Variants in CACNA1D observed in about 807,000 individuals in gnomAD.
The protein encoded by CACNA1D is calcium voltage-gated channel subunit alpha1 D.
CACNA1D carries 55 observed loss-of-function variants against 257.1 expected under a neutral mutation model. The observed-to-expected ratio is 0.21, with a 90% CI of 0.17 to 0.27. The LOEUF is 0.27. Among genes scored for constraint, CACNA1D ranks in the 10% least tolerant of loss-of-function variants. The pLI, the probability that CACNA1D is intolerant of heterozygous loss-of-function variation, is 1.00. For synonymous variants in CACNA1D, 980 were observed against 1,014.9 expected, an observed-to-expected ratio of 0.97 and a Z score of 0.65; for missense variants, 1,876 against 2,784.0, an observed-to-expected ratio of 0.67 and a Z score of 7.34.
intron 3 of CACNA1D, among the ~76,000 whole-genome samples, chr3:53,575,686 G>A (rs2093025233): frequency 6.6e-6 from 1 of 151,624 alleles, no homozygotes; most frequent in Non-Finnish European, 1.5e-5. Flanking sequence ...TTGTTACTTT[G>A]TGAGAGTAAA....
intron 46 of CACNA1D, 173 bp downstream of exon 46, chr3:53,808,943 C>A: frequency 1.4e-6 from 1 of 690,790 alleles, no homozygotes; most frequent in Non-Finnish European, 2.4e-6. Flanking sequence ...CCATGAGTCC[C>A]ATGCTGCCCA....
chr3:53,747,738 T>C (rs1424792836), intron 26 of CACNA1D, among the ~76,000 whole-genome samples: 2 of 152,218 alleles, frequency 1.3e-5, no homozygotes, highest in African/African-American at 2.4e-5. Flanking sequence ...TCAGGAAAGC[T>C]GCCATCCGCT....
chr3:53,715,432 A>G (rs1385065034), intron 9 of CACNA1D, among the ~76,000 whole-genome samples: 1 of 152,068 alleles, frequency 6.6e-6, no homozygotes, highest in African/African-American at 2.4e-5. Context: ...GCTGATTCAG[A>G]GGTATGGAAG....
intron 45 of CACNA1D, among the ~76,000 whole-genome samples, chr3:53,806,874 T>TG (rs1204140275): frequency 1.3e-5 from 2 of 151,894 alleles, no homozygotes; most frequent in African/African-American, 4.8e-5. Context: ...GTGATGGCCC[T>TG]CGCCCTTGTG....
intron 3 of CACNA1D, among the ~76,000 whole-genome samples, chr3:53,584,204 TGGATTGTCTAATATGTGCTGA>T (rs1352617696): frequency 1.3e-5 from 2 of 152,206 alleles, no homozygotes; most frequent in African/African-American, 2.4e-5. Context: ...CAGTAGCTGA[TGGATTGTCTAATATGTGCTGA>T]GGAGAGAGGG....
chr3:53,523,090 G>C (rs1355069735), intron 3 of CACNA1D, among the ~76,000 whole-genome samples: 1 of 152,022 alleles, frequency 6.6e-6, no homozygotes, highest in Non-Finnish European at 1.5e-5. Context: ...AGTTCTTTTG[G>C]CTGCATTGGT....
intron 8 of CACNA1D, among the ~76,000 whole-genome samples, chr3:53,700,764 C>T (rs1000971149): frequency 6.6e-6 from 1 of 152,072 alleles, no homozygotes; most frequent in Non-Finnish European, 1.5e-5. Context: ...GACTGACAGC[C>T]CTAACAGGAC....
chr3:53,577,891 T>G lies in CACNA1D; in HGVS notation c.484-72888T>G, dbSNP rs549901277. ...TTCAAACATTAAGTTGATTCTACCT[T>G]TAATACTTTTATAAACTTTTAATTC... On this transcript the variant is annotated intron_variant, in intron 3 of 47. Coordinates refer to ENST00000350061, the MANE Select transcript of CACNA1D (RefSeq NM_001128840.3). Among the ~76,000 whole-genome samples, 7 of 152,298 alleles carry G rather than the reference T, an allele frequency of 4.6e-5. No homozygotes were observed. In the South Asian group the frequency reaches 1.5e-3, roughly 32 times the overall value.
chr3:53,633,125 T>C (rs957841407), intron 3 of CACNA1D, among the ~76,000 whole-genome samples: 2 of 152,248 alleles, frequency 1.3e-5, no homozygotes, highest in Non-Finnish European at 2.9e-5. Flanking sequence ...TAATAACTAT[T>C]GTGTGCATAC....
intron 3 of CACNA1D, among the ~76,000 whole-genome samples, chr3:53,608,351 G>A (rs2093539846): frequency 6.6e-6 from 1 of 152,056 alleles, no homozygotes; most frequent in South Asian, 2.1e-4. Context: ...CCATAACCTT[G>A]TAAACTCATT....
At position 53,787,203 on chromosome 3, in the gene CACNA1D, G is replaced by A. The variant is rs867449128; in HGVS notation, c.4923+251G>A. Among the ~76,000 whole-genome samples, 4 of 152,244 alleles carry A rather than the reference G, an allele frequency of 2.6e-5. No homozygotes were observed. The South Asian group carries it at 8.3e-4, about 32-fold the overall frequency. ...CGCGGCAGGGCTGCCAGGACGGAGAGGAGCGAGCGCTACCCTCGCACCCCA... is the reference window on the plus strand; with the variant it reads ...CGCGGCAGGGCTGCCAGGACGGAGAAGAGCGAGCGCTACCCTCGCACCCCA... On this transcript the variant is annotated intron_variant, in intron 40 of 47. Transcript: ENST00000350061.
In CACNA1D at chr3:53,800,587, C is replaced by A. The variant is rs1000894618; in HGVS notation, c.5040+222C>A. The A allele has an allele frequency of 1.7e-6, 1 of 605,016 alleles. No homozygotes were observed. Among genetic ancestry groups the A allele is most frequent in the African/African-American group, 1.8e-5 (1 of 54,820 alleles). 37.5% of individuals were successfully genotyped at this position (605,016 alleles called of 1,614,324 possible). On this transcript the variant is annotated intron_variant, in intron 41 of 47. Transcript: ENST00000350061. This position sits in a 1 kb window ranked among gnomAD's most constrained non-coding sequence, Gnocchi z 4.3. ...CTCTTTCCCTGAGCTTACCCAGCTT[C>A]CCCTCACTGCCTGCTTCTGAGGAGC... is the stretch of plus-strand genomic sequence containing the variant.
chr3:53,650,664 T>G, intron 3 of CACNA1D, 115 bp from the exon 4 acceptor site: 2 of 1,089,356 alleles, frequency 1.8e-6, no homozygotes, highest in Non-Finnish European at 2.8e-6. Flanking sequence ...AAACTTTGTT[T>G]GGAGGGAAAT....
intron 3 of CACNA1D, among the ~76,000 whole-genome samples, chr3:53,527,592 G>A (rs1337151279): frequency 6.6e-6 from 1 of 151,072 alleles, no homozygotes; most frequent in Non-Finnish European, 1.5e-5. Context: ...CTTGGAAAAG[G>A]TAAAGACTTC....
chr3:53,603,245 C>T (rs547278203), intron 3 of CACNA1D, among the ~76,000 whole-genome samples: 1 of 152,306 alleles, frequency 6.6e-6, no homozygotes, highest in African/African-American at 2.4e-5. Context: ...CACTGAAACT[C>T]TTTAGAGTGG....
intron 47 of CACNA1D, among the ~76,000 whole-genome samples, chr3:53,810,777 A>AC (rs1339102256): frequency 6.7e-6 from 1 of 149,486 alleles, no homozygotes; most frequent in Admixed American, 6.6e-5. Context: ...AAAAAAAAAA[A>AC]AAAAAAAAAC....
intron 4 of CACNA1D, among the ~76,000 whole-genome samples, chr3:53,654,275 A>G (rs1303037959): frequency 7.9e-5 from 12 of 152,230 alleles, no homozygotes; most frequent in African/African-American, 2.7e-4. Context: ...GAAAGGGTAA[A>G]TACGTGGGTA....
chr3:53,733,983 TATAC>T (rs1248688069), intron 19 of CACNA1D, among the ~76,000 whole-genome samples: 4 of 133,490 alleles, frequency 3.0e-5, no homozygotes, highest in African/African-American at 1.1e-4. Context: ...TGTATATATA[TATAC>T]ATATACATAT....
chr3:53,526,290 G>A (rs1242016056), intron 3 of CACNA1D, among the ~76,000 whole-genome samples: 1 of 152,204 alleles, frequency 6.6e-6, no homozygotes. Flanking sequence ...TCAAGTATTG[G>A]TTATTGGGGA....
Sources: allele counts gnomAD v4.1 joint callset (sites outside exome capture counted in the v4.1 genomes callset), GRCh38; gene constraint gnomAD v4.1.1; non-coding constraint Gnocchi (gnomAD v3.1); transcripts MANE v1.5; gene names NCBI Gene and HGNC (gene_info 2026-07-23, HGNC 2026-07-21).